NBPF14: variants seen among roughly 807,000 people sequenced by gnomAD.
NBPF14 encodes the protein NBPF family member NBPF14.
A neutral mutation model predicts 91.2 loss-of-function variants in NBPF14; 104 were observed. That is an observed-to-expected ratio of 1.14 (90% CI 0.97 to 1.34). The LOEUF is 1.34. Ranked by LOEUF, NBPF14 falls within the 40% of genes most tolerant of loss-of-function variation. The probability of loss-of-function intolerance (pLI) is 0.00; values close to 1 mark genes in which losing one functional copy is unlikely to be tolerated. For synonymous variants in NBPF14, 294 were observed against 303.8 expected (o/e 0.97, Z 0.34); for missense variants, 908 against 783.0 (o/e 1.16, Z -1.91).
intron 36 of NBPF14, 26 bp from the exon 37 acceptor site, chr1:148,559,991 A>G (rs1657431878): frequency 1.9e-6 from 2 of 1,065,024 alleles, no homozygotes; most frequent in Non-Finnish European, 2.8e-6. Flanking sequence ...AAAGTAAAGA[A>G]TAAGCCAGGG....
intron 64 of NBPF14, among the ~76,000 whole-genome samples, chr1:148,538,416 G>A (rs1655394467): frequency 1.3e-3 from 10 of 7,482 alleles, no homozygotes; most frequent in African/African-American, 5.4e-3. Context: ...CAGTCGCCAT[G>A]AGAATACAGT....
Position 148,566,315 on chromosome 1 carries a change from C to G in NBPF14, c.3543G>C (p.Arg1181Ser). 2.7e-6 allele frequency: 2 copies of G among 746,294 alleles called. 1 individual carries two copies. Among genetic ancestry groups the G allele is most frequent in the Non-Finnish European group, 4.7e-6 (2 of 423,306 alleles). 46.2% of individuals were successfully genotyped at this position (746,294 alleles called of 1,614,324 possible). Reference sequence around the variant, plus strand: ...CTACCTCCAGCAGCTCCCTGCTGAGCCTGGAAAAGGAGGAAAAGGTAAAGA... The same window carrying G: ...CTACCTCCAGCAGCTCCCTGCTGAGGCTGGAAAAGGAGGAAAAGGTAAAGA... Residue 1181 changes from arginine to serine, a missense_variant and splice_region_variant, in exon 29 of 71, where the codon AGG becomes AGC. This residue lies in a region of NBPF14 where 447 missense variants were observed against 189.1 expected (regional missense o/e 2.36). Coordinates refer to ENST00000619423, the Ensembl canonical transcript of NBPF14.
At chr1:148,535,171 T>C (rs1186414290) in intron 68 of NBPF14, among the ~76,000 whole-genome samples, 351 of 149,674 alleles carry the variant, frequency 2.3e-3, no homozygotes, top group African/African-American at 7.3e-3. Context: ...ACAGTGATCA[T>C]GAAAAGAGGG....
exon 37 of NBPF14, chr1:148,559,855 G>C (rs1423344967): frequency 5.3e-6 from 8 of 1,515,768 alleles, no homozygotes; most frequent in Admixed American, 1.8e-5. Context: ...ACTTCTATAG[G>C]GCTGGCATGA....
intron 59 of NBPF14, among the ~76,000 whole-genome samples, 168 bp downstream of exon 59, chr1:148,542,386 G>C (rs1378101544): frequency 3.5e-5 from 1 of 28,940 alleles, no homozygotes; most frequent in Admixed American, 3.5e-4. Context: ...CCCATCCCTT[G>C]TCTGGGCTTC....
intron 27 of NBPF14, 31 bp from the exon 28 acceptor site, chr1:148,567,034 A>T: frequency 4.6e-6 from 1 of 219,240 alleles, no homozygotes; most frequent in Non-Finnish European, 7.9e-6. Flanking sequence ...GACAGACAAA[A>T]TAAGCCAATT....
At chr1:148,559,398 C>A (rs1368495849) in intron 37 of NBPF14, among the ~76,000 whole-genome samples, 2 of 134,124 alleles carry the variant, frequency 1.5e-5, no homozygotes, top group Non-Finnish European at 3.0e-5. Flanking sequence ...AAAAACTGCA[C>A]TATTCACCCT....
intron 34 of NBPF14, among the ~76,000 whole-genome samples, chr1:148,561,944 A>G (rs1657889543): frequency 4.0e-4 from 45 of 112,182 alleles, no homozygotes; most frequent in South Asian, 6.6e-4. Context: ...AGGGATCATG[A>G]AAAGACTGTG....
In NBPF14 at chr1:148,585,455, A is replaced by G. The variant is rs1288675998; in HGVS notation, c.1307-242T>C. Among the ~76,000 whole-genome samples the G allele has an allele frequency of 3.8e-3, 581 of 151,630 alleles. 8 individuals carry two copies. The highest frequency in any genetic ancestry group is 0.014 in the African/African-American group (563 of 41,298). ...ATATTGAAAAGACCTTTTGCTTCCC[A>G]TATCACTGGAGGCTTGTGCAGCCTC... On this transcript the variant is annotated intron_variant, in intron 9 of 70. Coordinates refer to ENST00000619423, the Ensembl canonical transcript of NBPF14.
intron 16 of NBPF14, among the ~76,000 whole-genome samples, chr1:148,576,071 A>C (rs1292072910): frequency 6.9e-6 from 1 of 145,018 alleles, no homozygotes; most frequent in African/African-American, 2.6e-5. Flanking sequence ...ACACTGATGA[A>C]GGGGTTAAAG....
rs1446037750 is a variant in NBPF14, at chr1:148,585,400, T to C, written c.1307-187A>G. ...GATCCATCAGGCAATGCATTTCTGA[T>C]CTGGAGGGCCACCATCAACATGTGG... On this transcript the variant is annotated intron_variant, in intron 9 of 70. Transcript: ENST00000619423. 3.3e-5 allele frequency among the ~76,000 whole-genome samples: 5 copies of C among 151,886 alleles called. No homozygotes were observed. The South Asian group carries it at 8.3e-4, about 25-fold the overall frequency.
rs2149591878 is a variant in NBPF14, at chr1:148,595,406, T to C, written c.175+137A>G. 7 of 1,108,710 alleles carry C rather than the reference T, an allele frequency of 6.3e-6. 1 individual carries two copies. Among genetic ancestry groups the C allele is most frequent in the South Asian group, 4.2e-5 (3 of 71,062 alleles). 68.7% of individuals were successfully genotyped at this position (1,108,710 alleles called of 1,614,324 possible). On this transcript the variant is annotated intron_variant, in intron 2 of 70. Coordinates refer to ENST00000619423, the Ensembl canonical transcript of NBPF14. ...CCTCTGTCTTCCAACTTTAACAAAA[T>C]GTTAAAATACCCATTTCTGTTTTCT...
At chr1:148,579,882 C>T in intron 12 of NBPF14, among the ~76,000 whole-genome samples, 1 of 152,152 alleles carries the variant, frequency 6.6e-6, no homozygotes, top group Non-Finnish European at 1.5e-5. Flanking sequence ...AAAACTAACA[C>T]AGAGAAAGGA....
At chr1:148,535,337 T>A (rs1225771514) in intron 68 of NBPF14, 116 bp downstream of exon 68, 22 of 589,510 alleles carry the variant, frequency 3.7e-5, no homozygotes, top group African/African-American at 6.2e-5. Context: ...GCAATGTCAG[T>A]AGGAGTAATT....
At chr1:148,539,269 T>A (rs1464339702) in intron 63 of NBPF14, 141 bp downstream of exon 63, 2 of 629,292 alleles carry the variant, frequency 3.2e-6, no homozygotes, top group East Asian at 3.2e-5. Context: ...GACTACAGTT[T>A]CTTTACAACC....
chr1:148,592,737 T>C lies in NBPF14; in HGVS notation c.308A>G (p.Glu103Gly). ...CTCCCTTAGCTGGGTCAGCTCTCGTTCCTGAGAGTGAACCAGGACTTTATA... is the reference window on the plus strand; with the variant it reads ...CTCCCTTAGCTGGGTCAGCTCTCGTCCCTGAGAGTGAACCAGGACTTTATA... Residue 103 changes from glutamate to glycine, a missense_variant, in exon 4 of 71, where the codon GAA becomes GGA. Physicochemically the swap from Glu to Gly is moderately conservative, Grantham distance 98. Around this residue, in one of 13 missense-constraint regions of NBPF14, gnomAD observed 61 missense variants for 56.4 expected, o/e 1.08. Transcript: ENST00000619423. The C allele has an allele frequency of 5.0e-6, 8 of 1,585,562 alleles. 1 individual carries two copies. Among genetic ancestry groups the C allele is most frequent in the Non-Finnish European group, 6.9e-6 (8 of 1,159,798 alleles).
intron 2 of NBPF14, among the ~76,000 whole-genome samples, chr1:148,595,035 C>G (rs1663089209): frequency 1.5e-5 from 2 of 136,472 alleles, no homozygotes; most frequent in African/African-American, 5.6e-5. Flanking sequence ...ATAGATAGCA[C>G]AGGTTCTATT....
At chr1:148,587,389 T>G in exon 8 of NBPF14, 1 of 1,580,108 alleles carries the variant, frequency 6.3e-7, no homozygotes, top group Non-Finnish European at 8.6e-7. Flanking sequence ...ATGAGGTCTT[T>G]GCACTCTTCA....
chr1:148,585,221 T>C lies in NBPF14; in HGVS notation c.1307-8A>G. 2 of 1,587,460 alleles carry C rather than the reference T, an allele frequency of 1.3e-6. No individual in the cohort carries two copies. The highest frequency in any genetic ancestry group is 1.7e-5 in the Admixed American group (1 of 59,808). On this transcript the variant is annotated splice_region_variant and splice_polypyrimidine_tract_variant and intron_variant, in intron 9 of 70. Transcript: ENST00000619423. ...CGTCATCGTTGTCATTTTCTGTAAATACAGAAGTGTTCGTTCAGGTATTTC... is the reference window on the plus strand; with the variant it reads ...CGTCATCGTTGTCATTTTCTGTAAACACAGAAGTGTTCGTTCAGGTATTTC...
Sources: gnomAD v4.1 joint callset for allele counts (sites outside exome capture counted in the v4.1 genomes callset) on GRCh38, gnomAD v4.1.1 for gene constraint, gnomAD v4.1.1 regional missense constraint, MANE v1.5 for transcripts, NCBI Gene and HGNC (gene_info 2026-07-23, HGNC 2026-07-21) for gene names.